The following THTPA variants were observed in gnomAD, a reference collection of about 807,000 sequenced individuals.
THTPA encodes thiamine triphosphatase, also known as thiamine-triphosphatase.
THTPA carries 16 observed loss-of-function variants against 16.5 expected under a neutral mutation model. That is an observed-to-expected ratio of 0.97 (90% CI 0.66 to 1.47). THTPA has a LOEUF of 1.47. Among genes scored for constraint, THTPA ranks in the 40% most tolerant of loss-of-function variants. The pLI is 0.00. For synonymous variants in THTPA, 110 were observed against 115.5 expected (o/e 0.95, Z 0.30); for missense variants, 281 against 280.9 (o/e 1.00, Z 0.00).
chr14:23,547,405 G>T, the THTPA span, among the ~76,000 whole-genome samples: 1 of 152,232 alleles, frequency 6.6e-6, no homozygotes, highest in Non-Finnish European at 1.5e-5. Flanking sequence ...TGGGAATGGG[G>T]TGGGGATGCT....
At chr14:23,521,993 G>C in the THTPA span, 2 of 1,536,410 alleles carry the variant, frequency 1.3e-6, no homozygotes, top group Admixed American at 2.0e-5. Flanking sequence ...GGTAGTCGTA[G>C]TTTTTGGGTT....
the THTPA span, chr14:23,530,823 G>C: frequency 8.4e-6 from 2 of 238,878 alleles, no homozygotes; most frequent in African/African-American, 4.7e-5. Context: ...CCTGGCTCCT[G>C]CTGCCCATGC....
At chr14:23,533,483 G>A in the THTPA span, 2 of 1,536,006 alleles carry the variant, frequency 1.3e-6, no homozygotes, top group East Asian at 4.9e-5. The surrounding 1 kb of genome is among the most constrained non-coding windows in gnomAD (Gnocchi z 4.8). Context: ...GGAGGGCCTG[G>A]CCCCATCAAT....
upstream of THTPA, among the ~76,000 whole-genome samples, chr14:23,554,827 T>G (rs1882229186): frequency 6.6e-6 from 1 of 152,084 alleles, no homozygotes; most frequent in Admixed American, 6.6e-5. Context: ...GTCCAGGAGT[T>G]AAGAGCCACG....
At chr14:23,521,814 G>T in the THTPA span, 1 of 1,364,076 alleles carries the variant, frequency 7.3e-7, no homozygotes, top group Non-Finnish European at 9.7e-7. Flanking sequence ...GGGGTGTGTG[G>T]TGCCCACTGA....
chr14:23,534,694 T>G, the THTPA span: 1 of 1,536,196 alleles, frequency 6.5e-7, no homozygotes, highest in East Asian at 2.4e-5. The surrounding 1 kb of genome is among the most constrained non-coding windows in gnomAD (Gnocchi z 4.5). Flanking sequence ...TGGAGCCAGC[T>G]GGTAGCTCCA....
the THTPA span, among the ~76,000 whole-genome samples, chr14:23,547,822 G>C: frequency 6.6e-6 from 1 of 152,166 alleles, no homozygotes; most frequent in Non-Finnish European, 1.5e-5. Context: ...AGCCTTTTCT[G>C]TGTGACAGAC....
chr14:23,540,913 C>CT, the THTPA span, among the ~76,000 whole-genome samples: 101 of 149,248 alleles, frequency 6.8e-4, 1 homozygote, highest in East Asian at 0.013. Flanking sequence ...TTTTTTCTCT[C>CT]TTTTTTTTTT....
Position 23,556,904 on chromosome 14 carries a change from G to T in THTPA, c.147G>T (p.Gln49His). The change falls in exon 1 of 2, where the codon CAG becomes CAT. Residue 49 changes from glutamine (Q) to histidine (H), a missense_variant. By Grantham distance (24) the Gln-to-His change is conservative. Transcript: ENST00000288014. ...ACACCCCTGAGCTGAGCCTCATGCA[G>T]GCTGACCACTGGCTGCGACGACGAG... ...YYDTPELSLMQADHWLRRRED... is the reference protein window; with the variant it reads ...YYDTPELSLMHADHWLRRRED... The T allele has an allele frequency of 8.7e-6, 14 of 1,614,008 alleles. No homozygotes were observed. The highest frequency in any genetic ancestry group is 1.2e-5 in the Non-Finnish European group (14 of 1,179,912).
the THTPA span, among the ~76,000 whole-genome samples, chr14:23,549,453 T>G: frequency 6.6e-6 from 1 of 152,140 alleles, no homozygotes; most frequent in Non-Finnish European, 1.5e-5. Context: ...ACTCTCCAGA[T>G]CCTTTATCCA....
chr14:23,539,337 A>T, the THTPA span, among the ~76,000 whole-genome samples: 2 of 151,940 alleles, frequency 1.3e-5, no homozygotes, highest in Non-Finnish European at 2.9e-5. Context: ...CAAACAAAAA[A>T]ATATATACAG....
At chr14:23,541,201 C>T in the THTPA span, among the ~76,000 whole-genome samples, 515 of 151,936 alleles carry the variant, frequency 3.4e-3, 3 homozygotes, top group African/African-American at 0.012. Flanking sequence ...CCACTGCGCC[C>T]GGCCTCTGTT....
chr14:23,527,873 T>C, the THTPA span: 1 of 1,410,938 alleles, frequency 7.1e-7, no homozygotes, highest in Admixed American at 2.0e-5. Flanking sequence ...CATAGTCCTT[T>C]GGATGCAGCA....
At chr14:23,522,483 G>A in the THTPA span, 3 of 1,534,778 alleles carry the variant, frequency 2.0e-6, no homozygotes, top group Non-Finnish European at 2.6e-6. Flanking sequence ...GGCTGGAGGA[G>A]GGCATTGGGG....
chr14:23,521,670 A>G, the THTPA span: 5 of 399,966 alleles, frequency 1.3e-5, no homozygotes, highest in East Asian at 4.7e-5. Flanking sequence ...GCAGACATGT[A>G]TGAATAATCA....
At chr14:23,544,933 C>T in the THTPA span, among the ~76,000 whole-genome samples, 8 of 152,042 alleles carry the variant, frequency 5.3e-5, no homozygotes, top group African/African-American at 1.9e-4. Flanking sequence ...TTTCCCTGGC[C>T]GTTTTTCTGC....
At chr14:23,525,651 A>T in the THTPA span, 1 of 1,535,696 alleles carries the variant, frequency 6.5e-7, no homozygotes, top group Non-Finnish European at 8.7e-7. The surrounding 1 kb of genome is among the most constrained non-coding windows in gnomAD (Gnocchi z 5.9). Flanking sequence ...TCGTTGGGCA[A>T]TGGGTCGGGG....
At chr14:23,522,108 G>A in the THTPA span, 29 of 1,534,730 alleles carry the variant, frequency 1.9e-5, no homozygotes, top group Non-Finnish European at 2.5e-5. Flanking sequence ...CCTTGAGGTG[G>A]GGCTGCCTTG....
chr14:23,522,306 C>G, the THTPA span: 2 of 1,514,678 alleles, frequency 1.3e-6, no homozygotes, highest in Non-Finnish European at 1.8e-6. Flanking sequence ...CCGTCAAATG[C>G]CATCTTGCAC....
Sources: gnomAD v4.1 joint callset for allele counts (sites outside exome capture counted in the v4.1 genomes callset) on GRCh38, gnomAD v4.1.1 for gene constraint, Gnocchi (gnomAD v3.1) non-coding constraint, MANE v1.5 for transcripts, NCBI Gene and HGNC (gene_info 2026-07-23, HGNC 2026-07-21) for gene names.